DRC3: variants seen among roughly 807,000 people sequenced by gnomAD.
DRC3 encodes the protein dynein regulatory complex subunit 3.
In DRC3, 45 loss-of-function variants were observed where a neutral mutation model predicts 57.6. The ratio of observed to expected loss-of-function variants is 0.78; its 90% CI spans 0.62 to 1.00. The LOEUF is 1.00. Ranked by LOEUF, DRC3 falls within the 50% of genes least tolerant of loss-of-function variation. DRC3 has a pLI of 0.00. For missense variants in DRC3, 655 were observed against 675.2 expected, an observed-to-expected ratio of 0.97 and a Z score of 0.33; for synonymous variants, 257 against 272.3, an observed-to-expected ratio of 0.94 and a Z score of 0.55.
At chr17:17,978,790 G>A (rs1204931808) in intron 3 of DRC3, among the ~76,000 whole-genome samples, 1 of 152,188 alleles carries the variant, frequency 6.6e-6, no homozygotes, top group Non-Finnish European at 1.5e-5. Flanking sequence ...GCAGCTGACC[G>A]CTTGCCCTCT....
chr17:17,973,250 G>A (rs186496987), intron 1 of DRC3, among the ~76,000 whole-genome samples: 75 of 151,810 alleles, frequency 4.9e-4, no homozygotes, highest in African/African-American at 1.8e-3. Flanking sequence ...AAGGGGTTCC[G>A]TCTTCCAGCC....
intron 11 of DRC3, 62 bp downstream of exon 11, chr17:18,006,315 G>A (rs373178201): frequency 6.5e-6 from 8 of 1,236,154 alleles, no homozygotes; most frequent in African/African-American, 4.5e-5. Context: ...GGCTTGTCCC[G>A]GCCTCTGGAC....
At chr17:18,004,658 C>T in intron 10 of DRC3, 164 bp downstream of exon 10, 1 of 665,040 alleles carries the variant, frequency 1.5e-6, no homozygotes, top group Non-Finnish European at 2.5e-6. Context: ...GCTTTTATTA[C>T]ATTTTAATCA....
intron 12 of DRC3, among the ~76,000 whole-genome samples, chr17:18,010,372 T>C (rs969976167): frequency 7.2e-5 from 11 of 152,182 alleles, no homozygotes; most frequent in Admixed American, 7.2e-4. Context: ...AGCTGTTGCC[T>C]TCTCAAAAGT....
At chr17:17,983,680 C>T (rs1434073012) in intron 3 of DRC3, 148 bp from the exon 4 acceptor site, 2 of 571,610 alleles carry the variant, frequency 3.5e-6, no homozygotes, top group Non-Finnish European at 6.3e-6. Flanking sequence ...CCTCGATGCT[C>T]AGCCGACATC....
chr17:17,988,540 T>C (rs1402560856), intron 5 of DRC3: 1 of 160,808 alleles, frequency 6.2e-6, no homozygotes, highest in Admixed American at 6.0e-5. Flanking sequence ...CTATGGGTGG[T>C]AGGAGGGCAC....
intron 9 of DRC3, among the ~76,000 whole-genome samples, chr17:17,997,999 T>G (rs1324992904): frequency 6.6e-6 from 1 of 152,222 alleles, no homozygotes; most frequent in African/African-American, 2.4e-5. Context: ...ATCCTTTTAT[T>G]CATTCATTCA....
intron 4 of DRC3, among the ~76,000 whole-genome samples, chr17:17,986,521 G>A (rs1372025333): frequency 6.8e-6 from 1 of 147,270 alleles, no homozygotes; most frequent in Non-Finnish European, 1.5e-5. Flanking sequence ...CTAGGCTGGA[G>A]TGCAGTGGCA....
chr17:18,004,809 C>G (rs1379462165), intron 10 of DRC3: 1 of 277,056 alleles, frequency 3.6e-6, no homozygotes, highest in Non-Finnish European at 6.9e-6. Context: ...CAAAGCGCAC[C>G]CCCACTTGGG....
rs8072048 is a variant in DRC3, at chr17:17,992,796, G to A, written c.476G>A (p.Arg159Gln). 6,913 of 1,613,628 alleles carry A rather than the reference G, an allele frequency of 4.3e-3. 273 individuals carry two copies. In the African/African-American group the frequency reaches 0.08, roughly 19 times the overall value. ...IIYLRRFKCL[R>Q]TLSLSRNPIS... The stretch of plus-strand genomic sequence containing the variant: ...TACCTCCGGCGGTTCAAGTGCCTGC[G>A]GACGCTCAGCCTCTCTAGGAACCCT... Residue 159 changes from arginine to glutamine, a missense_variant, in exon 6 of 14, where the codon CGG (arginine) becomes CAG (glutamine). By Grantham distance (43) the Arg-to-Gln change is conservative (BLOSUM62 1). Transcript: ENST00000399187.
At chr17:17,977,168 C>A (rs915846159) in intron 2 of DRC3, among the ~76,000 whole-genome samples, 1 of 152,180 alleles carries the variant, frequency 6.6e-6, no homozygotes, top group African/African-American at 2.4e-5. Flanking sequence ...GCTGACAGGC[C>A]TGGCTGGGGC....
chr17:18,009,306 G>C (rs2145438067), intron 12 of DRC3, among the ~76,000 whole-genome samples: 1 of 152,304 alleles, frequency 6.6e-6, no homozygotes, highest in East Asian at 1.9e-4. Context: ...CTACTTGGGA[G>C]ACTGAGGTTG....
At position 17,987,984 on chromosome 17, in the gene DRC3, C is replaced by A. The variant is rs373700563; in HGVS notation, c.330C>A (p.Asn110Lys). Residue 110 changes from asparagine to lysine, a missense_variant, in exon 5 of 14, where the codon AAC (asparagine) becomes AAA (lysine). Coordinates refer to ENST00000399187, the MANE Select transcript of DRC3 (RefSeq NM_031294.4). ...ETIEGLDTLV[N>K]LEDLSLFNNR... ...TCGAGGGGCTGGACACACTGGTGAA[C>A]CTGGAGGACCTGAGCTTGTTCAACA... 4.3e-6 allele frequency: 7 copies of A among 1,613,910 alleles called. No homozygotes were observed. The African/African-American group carries it at 9.3e-5, about 22-fold the overall frequency.
In DRC3 at chr17:18,007,157, G is replaced by GCGGGCGGGGGCGGCCGGGGGGC; in HGVS notation, c.1326+15_1326+16insGGGGGCGGCCGGGGGGCCGGGC. 1.1e-6 allele frequency: 1 copy of GCGGGCGGGGGCGGCCGGGGGGC among 879,090 alleles called. No individual in the cohort carries two copies. Among genetic ancestry groups the GCGGGCGGGGGCGGCCGGGGGGC allele is most frequent in the Non-Finnish European group, 1.6e-6 (1 of 619,928 alleles). The allele number at this position is 879,090 out of a possible 1,614,324, so 54.5% of individuals were successfully genotyped here. A position where few individuals can be genotyped will look rare whatever the true frequency, so the allele number is the denominator to read the frequency against. Reference sequence around the variant, plus strand: ...TAACGACCTGCGCGCGGTAGGCGGGGCGGGCTGCTCGGAGCCTGACAGATG... The same window carrying GCGGGCGGGGGCGGCCGGGGGGC: ...TAACGACCTGCGCGCGGTAGGCGGGGCGGGCGGGGGCGGCCGGGGGGCCGGGCTGCTCGGAGCCTGACAGATG... On this transcript the variant is annotated intron_variant, in intron 12 of 13. Coordinates refer to ENST00000399187, the MANE Select transcript of DRC3 (RefSeq NM_031294.4).
Position 18,016,837 on chromosome 17 carries a change from G to C in DRC3, c.*166G>C. ...CCCTGGAAAAACTTCCAAAAGTAGA[G>C]AAAATAAAGGACTCATTTCACATTT... is the stretch of plus-strand genomic sequence containing the variant. On this transcript the variant is annotated 3_prime_UTR_variant, in exon 14 of 14. Transcript: ENST00000399187. The C allele has an allele frequency of 6.9e-6, 3 of 433,906 alleles. No homozygotes were observed. 26.9% of individuals were successfully genotyped at this position (433,906 alleles called of 1,614,324 possible).
rs2044379120 is a variant in DRC3, at chr17:18,016,723, G to A, written c.*52G>A. 4 of 1,235,982 alleles carry A rather than the reference G, an allele frequency of 3.2e-6. No homozygotes were observed. The South Asian group carries it at 5.0e-5, about 15-fold the overall frequency. The allele number at this position is 1,235,982 out of a possible 1,614,324, so 76.6% of individuals were successfully genotyped here. ...CAAAACATAGCACCAGCCCCAGCCA[G>A]GAGAAGGAAGTGCACACGCCTCACC... On this transcript the variant is annotated 3_prime_UTR_variant, in exon 14 of 14. Transcript: ENST00000399187.
At chr17:18,016,281 T>G in intron 13 of DRC3, 86 bp downstream of exon 13, 1 of 1,378,750 alleles carries the variant, frequency 7.3e-7, no homozygotes, top group Non-Finnish European at 1.0e-6. Context: ...GATAGAATTT[T>G]CATTAAGGAA....
chr17:17,998,953 A>G (rs980346606), intron 9 of DRC3, among the ~76,000 whole-genome samples: 9 of 152,254 alleles, frequency 5.9e-5, no homozygotes, highest in African/African-American at 1.7e-4. Context: ...TCTGGAAGCA[A>G]CTGTCATCAG....
chr17:17,985,325 A>G (rs986044256), intron 4 of DRC3, among the ~76,000 whole-genome samples: 3 of 152,204 alleles, frequency 2.0e-5, no homozygotes, highest in African/African-American at 7.2e-5. Context: ...TCCAAGGGTC[A>G]TTGGACTGAT....
Sources: gnomAD v4.1 joint callset for allele counts (sites outside exome capture counted in the v4.1 genomes callset) on GRCh38, gnomAD v4.1.1 for gene constraint, MANE v1.5 for transcripts, NCBI Gene and HGNC (gene_info 2026-07-23, HGNC 2026-07-21) for gene names.